The following EPHB1 variants were observed in gnomAD, a reference collection of about 807,000 sequenced individuals.
The protein encoded by EPHB1 is EPH receptor B1, also known as ephrin type-B receptor 1.
A neutral mutation model predicts 94.4 loss-of-function variants in EPHB1; 30 were observed. That is an observed-to-expected ratio of 0.32 (90% CI 0.24 to 0.43). The LOEUF (loss-of-function observed/expected upper bound fraction) is 0.43, where lower values mean the gene tolerates loss of function less well. Among genes scored for constraint, EPHB1 ranks in the 20% least tolerant of loss-of-function variants. EPHB1 has a pLI of 1.00. For missense variants in EPHB1, 1,055 were observed against 1,308.3 expected, an observed-to-expected ratio of 0.81 and a Z score of 2.99; for synonymous variants, 522 against 489.1, an observed-to-expected ratio of 1.07 and a Z score of -0.89.
At chr3:135,124,775 A>G (rs943574545) in intron 4 of EPHB1, among the ~76,000 whole-genome samples, 1 of 151,662 alleles carries the variant, frequency 6.6e-6, no homozygotes. Flanking sequence ...TTGTGCTCAC[A>G]TGGCTGTTAG....
At chr3:135,193,954 TTAG>T (rs1347657603) in intron 11 of EPHB1, among the ~76,000 whole-genome samples, 4 of 152,216 alleles carry the variant, frequency 2.6e-5, no homozygotes, top group African/African-American at 9.7e-5. Flanking sequence ...GGGCTGAGGC[TTAG>T]AATTGTCTGA....
rs75892417 is a variant in EPHB1 at position 134,893,120 on chromosome 3, C to T, written c.59-32696C>T. Among the ~76,000 whole-genome samples the T allele has an allele frequency of 9.7e-3, 1,484 of 152,288 alleles. 24 individuals carry two copies. Among genetic ancestry groups the T allele is most frequent in the African/African-American group, 0.034 (1,427 of 41,558 alleles). ...AAGAGATATCCCCAGTACGGTCCAC[C>T]TCCCTGTAATATGGCCCTGGGTGCT... is the stretch of plus-strand genomic sequence containing the variant. On this transcript the variant is annotated intron_variant, in intron 1 of 15. Coordinates refer to ENST00000398015, the MANE Select transcript of EPHB1 (RefSeq NM_004441.5).
At chr3:134,906,924 G>T (rs577336674) in intron 1 of EPHB1, among the ~76,000 whole-genome samples, 13 of 152,288 alleles carry the variant, frequency 8.5e-5, no homozygotes, top group African/African-American at 3.1e-4. Flanking sequence ...AAACAGTAGG[G>T]CCAATGCTTG....
At chr3:134,879,523 G>A (rs2037685444) in intron 1 of EPHB1, among the ~76,000 whole-genome samples, 1 of 152,104 alleles carries the variant, frequency 6.6e-6, no homozygotes, top group African/African-American at 2.4e-5. Flanking sequence ...GTAGTGGGGT[G>A]CAACTGTGGT....
intron 1 of EPHB1, among the ~76,000 whole-genome samples, chr3:134,832,344 G>A (rs1010605366): frequency 7.2e-5 from 11 of 152,196 alleles, no homozygotes; most frequent in African/African-American, 2.7e-4. Context: ...TGGAGCCAAA[G>A]CCAGGCTGGG....
chr3:135,256,202 C>A (rs1027232497), intron 15 of EPHB1, among the ~76,000 whole-genome samples: 3 of 152,130 alleles, frequency 2.0e-5, no homozygotes, highest in East Asian at 3.9e-4. Context: ...TTAATTGGAG[C>A]ATTTAGTCCA....
At chr3:135,244,875 G>T (rs1477671221) in intron 13 of EPHB1, among the ~76,000 whole-genome samples, 1 of 151,948 alleles carries the variant, frequency 6.6e-6, no homozygotes, top group Non-Finnish European at 1.5e-5. Flanking sequence ...TTTTTCTTTG[G>T]GCTGAAGGGT....
intron 1 of EPHB1, among the ~76,000 whole-genome samples, chr3:134,857,438 C>T (rs1368069826): frequency 6.6e-6 from 1 of 152,096 alleles, no homozygotes; most frequent in Non-Finnish European, 1.5e-5. Context: ...ACTTTTTCAC[C>T]AGGACGCGTA....
chr3:135,037,025 T>C (rs1362674931), intron 3 of EPHB1, among the ~76,000 whole-genome samples: 5 of 151,992 alleles, frequency 3.3e-5, no homozygotes, highest in Admixed American at 2.0e-4. Flanking sequence ...GATGGATTGT[T>C]GTTCTTTAAT....
intron 11 of EPHB1, among the ~76,000 whole-genome samples, chr3:135,200,102 G>A (rs1361407650): frequency 6.6e-6 from 1 of 152,194 alleles, no homozygotes; most frequent in Non-Finnish European, 1.5e-5. Context: ...TGACTAGGCT[G>A]TGCTCTACTT....
intron 1 of EPHB1, among the ~76,000 whole-genome samples, chr3:134,876,693 A>AG (rs1170167390): frequency 6.6e-6 from 1 of 152,096 alleles, no homozygotes; most frequent in Non-Finnish European, 1.5e-5. Context: ...CTGGGGTGAT[A>AG]GGTGAGGATG....
At chr3:135,132,669 G>A (rs1448135074) in intron 4 of EPHB1, 45 bp from the exon 5 acceptor site, 1 of 1,498,574 alleles carries the variant, frequency 6.7e-7, no homozygotes, top group African/African-American at 1.4e-5. Context: ...GCCGGACAAG[G>A]AAGCTTATGT....
intron 2 of EPHB1, among the ~76,000 whole-genome samples, chr3:134,931,913 ATGTATATGTG>A (rs944395212): frequency 8.5e-5 from 13 of 152,068 alleles, no homozygotes; most frequent in Non-Finnish European, 1.6e-4. Context: ...TAGTGTATAT[ATGTATATGTG>A]TGTATATGTG....
At chr3:135,174,197 T>C (rs1941909209) in intron 9 of EPHB1, among the ~76,000 whole-genome samples, 1 of 152,212 alleles carries the variant, frequency 6.6e-6, no homozygotes, top group African/African-American at 2.4e-5. Flanking sequence ...TGTCCCCTGC[T>C]GATGGAACCA....
chr3:135,035,415 G>A (rs1007633444), intron 3 of EPHB1, among the ~76,000 whole-genome samples: 3 of 152,318 alleles, frequency 2.0e-5, no homozygotes, highest in Admixed American at 2.0e-4. Context: ...GGGGAAAAAA[G>A]AACATTCTCT....
chr3:135,108,594 A>T (rs572206424), intron 4 of EPHB1, among the ~76,000 whole-genome samples: 6 of 152,246 alleles, frequency 3.9e-5, no homozygotes, highest in African/African-American at 1.2e-4. Context: ...AAGGTGTCAA[A>T]GGGGCTGGTG....
intron 3 of EPHB1, among the ~76,000 whole-genome samples, chr3:134,961,240 G>A (rs1042438298): frequency 3.3e-5 from 5 of 152,186 alleles, no homozygotes; most frequent in Non-Finnish European, 7.3e-5. Context: ...GTGGCTGCAA[G>A]TGGTGCTGTT....
At chr3:135,147,040 G>T (rs1941031926) in intron 5 of EPHB1, among the ~76,000 whole-genome samples, 1 of 152,134 alleles carries the variant, frequency 6.6e-6, no homozygotes, top group South Asian at 2.1e-4. Flanking sequence ...CAAGGCCTTG[G>T]GTTAACCTTA....
At chr3:135,256,863 G>A (rs1460119016) in intron 15 of EPHB1, among the ~76,000 whole-genome samples, 1 of 150,702 alleles carries the variant, frequency 6.6e-6, no homozygotes, top group Non-Finnish European at 1.5e-5. Context: ...CCAATCAGAC[G>A]TAGATTTGGT....
Sources: gnomAD v4.1 joint callset for allele counts (sites outside exome capture counted in the v4.1 genomes callset) on GRCh38, gnomAD v4.1.1 for gene constraint, MANE v1.5 for transcripts, NCBI Gene and HGNC (gene_info 2026-07-23, HGNC 2026-07-21) for gene names.